ANKS1B: variants seen among roughly 807,000 people sequenced by gnomAD.
ANKS1B encodes the protein ankyrin repeat and sterile alpha motif domain containing 1B.
ANKS1B carries 36 observed loss-of-function variants against 148.3 expected under a neutral mutation model. That is an observed-to-expected ratio of 0.24 (90% CI 0.19 to 0.32). The LOEUF is 0.32. Among genes scored for constraint, ANKS1B ranks in the 10% least tolerant of loss-of-function variants. The pLI is 1.00. For missense variants in ANKS1B, 1,157 were observed against 1,542.6 expected, an observed-to-expected ratio of 0.75 and a Z score of 4.19; for synonymous variants, 542 against 560.8, an observed-to-expected ratio of 0.97 and a Z score of 0.47.
chr12:99,324,450 G>A (rs528513553), intron 12 of ANKS1B, among the ~76,000 whole-genome samples: 6 of 152,158 alleles, frequency 3.9e-5, no homozygotes, highest in African/African-American at 9.6e-5. Context: ...CCAGCATCAC[G>A]ACCCTCTGAT....
intron 12 of ANKS1B, among the ~76,000 whole-genome samples, chr12:99,398,099 C>T (rs1420478074): frequency 2.0e-5 from 3 of 152,100 alleles, no homozygotes; most frequent in East Asian, 1.9e-4. Flanking sequence ...ATTCTAAGTG[C>T]GATTAGAAGA....
chr12:99,157,374 C>T (rs1029316453), intron 14 of ANKS1B, among the ~76,000 whole-genome samples: 1 of 152,274 alleles, frequency 6.6e-6, no homozygotes, highest in Admixed American at 6.5e-5. Context: ...GACACTTTGG[C>T]TTGGCAAGGC....
intron 16 of ANKS1B, among the ~76,000 whole-genome samples, chr12:99,059,395 T>C (rs1048346365): frequency 1.3e-5 from 2 of 152,240 alleles, no homozygotes; most frequent in Non-Finnish European, 2.9e-5. Flanking sequence ...AGTGGCTTGG[T>C]ATCCATTTGT....
intron 9 of ANKS1B, among the ~76,000 whole-genome samples, chr12:99,547,507 C>A (rs1308333115): frequency 6.6e-6 from 1 of 152,128 alleles, no homozygotes; most frequent in African/African-American, 2.4e-5. Flanking sequence ...TTAGCCCCAA[C>A]TCTAAAGCAA....
At chr12:99,681,939 C>A (rs528427937) in intron 8 of ANKS1B, among the ~76,000 whole-genome samples, 3 of 152,210 alleles carry the variant, frequency 2.0e-5, no homozygotes, top group South Asian at 4.2e-4. Context: ...TCCATGCAAA[C>A]AGACACCAAA....
At chr12:99,150,726 G>GA (rs1022385739) in intron 15 of ANKS1B, among the ~76,000 whole-genome samples, 2 of 151,824 alleles carry the variant, frequency 1.3e-5, no homozygotes, top group Non-Finnish European at 1.5e-5. Context: ...ACTCCTTGGT[G>GA]AAAAAAAATG....
chr12:99,829,688 AGC>A (rs1350597482), intron 1 of ANKS1B, among the ~76,000 whole-genome samples: 1 of 149,642 alleles, frequency 6.7e-6, no homozygotes, highest in Non-Finnish European at 1.5e-5. Flanking sequence ...TAATTAGCCA[AGC>A]GTGGTGGTGC....
intron 17 of ANKS1B, among the ~76,000 whole-genome samples, chr12:98,968,092 G>C (rs541679264): frequency 6.6e-6 from 1 of 152,220 alleles, no homozygotes; most frequent in Non-Finnish European, 1.5e-5. Context: ...ATTCCACAAG[G>C]AGAGAAGCTA....
At chr12:99,064,408 G>A (rs2043394800) in intron 16 of ANKS1B, among the ~76,000 whole-genome samples, 1 of 152,212 alleles carries the variant, frequency 6.6e-6, no homozygotes, top group African/African-American at 2.4e-5. Flanking sequence ...TAGGGGATCA[G>A]CTTCCAACAG....
At chr12:99,853,532 G>A (rs1287040402) in intron 1 of ANKS1B, among the ~76,000 whole-genome samples, 1 of 152,106 alleles carries the variant, frequency 6.6e-6, no homozygotes, top group Non-Finnish European at 1.5e-5. Context: ...CTAGGGGAAG[G>A]GGGAGAGCAC....
chr12:99,948,189 C>T (rs2095119597), intron 1 of ANKS1B, among the ~76,000 whole-genome samples: 1 of 152,022 alleles, frequency 6.6e-6, no homozygotes. Context: ...ATTCTGCCTA[C>T]CACATGTACA....
intron 1 of ANKS1B, among the ~76,000 whole-genome samples, chr12:99,848,449 C>A (rs180701626): frequency 6.6e-6 from 1 of 152,152 alleles, no homozygotes; most frequent in East Asian, 1.9e-4. Context: ...TGGACAGGAC[C>A]AACAAAGCTG....
At chr12:98,747,289 G>T (rs767143340) in intron 26 of ANKS1B, among the ~76,000 whole-genome samples, 8 of 152,116 alleles carry the variant, frequency 5.3e-5, no homozygotes, top group Non-Finnish European at 7.4e-5. Flanking sequence ...ACAGGCAATA[G>T]AACTGAACAG....
intron 12 of ANKS1B, among the ~76,000 whole-genome samples, chr12:99,331,771 G>A (rs1234051832): frequency 6.6e-6 from 1 of 151,986 alleles, no homozygotes; most frequent in Non-Finnish European, 1.5e-5. Flanking sequence ...GGGCAATGAG[G>A]CAGAGACTAA....
Position 99,772,457 on chromosome 12 carries a change from T to C in ANKS1B, c.1128+465A>G, listed in dbSNP as rs2063283614. On this transcript the variant is annotated intron_variant, in intron 8 of 26. Transcript: ENST00000683438. ...GAAACCTCTTGGGATTTGCATAATATTATAAAAATATGCAGACTGAACTTT... is the reference window on the plus strand; with the variant it reads ...GAAACCTCTTGGGATTTGCATAATACTATAAAAATATGCAGACTGAACTTT... 3.3e-5 allele frequency among the ~76,000 whole-genome samples: 5 copies of C among 152,094 alleles called. No individual in the cohort carries two copies. In the South Asian group the frequency reaches 1.0e-3, roughly 32 times the overall value.
intron 12 of ANKS1B, among the ~76,000 whole-genome samples, chr12:99,395,867 G>C (rs2094225719): frequency 6.6e-6 from 1 of 151,992 alleles, no homozygotes; most frequent in Non-Finnish European, 1.5e-5. Flanking sequence ...TGCCATTTTG[G>C]TCAAGATTAA....
chr12:99,587,586 A>G (rs937273182), intron 9 of ANKS1B, among the ~76,000 whole-genome samples: 2 of 152,232 alleles, frequency 1.3e-5, no homozygotes, highest in African/African-American at 4.8e-5. Flanking sequence ...ACTTCAGTAA[A>G]GAGAAAATGG....
intron 8 of ANKS1B, among the ~76,000 whole-genome samples, chr12:99,718,779 T>C (rs1290720571): frequency 6.6e-6 from 1 of 152,204 alleles, no homozygotes; most frequent in East Asian, 1.9e-4. Flanking sequence ...CTTTGCACCC[T>C]TCATCCCAGC....
chr12:99,604,756 A>G (rs1458936202), intron 9 of ANKS1B, among the ~76,000 whole-genome samples: 2 of 150,028 alleles, frequency 1.3e-5, no homozygotes, highest in African/African-American at 2.5e-5. Flanking sequence ...TGGAGGTTGC[A>G]GTGAGCTGAG....
Sources: allele counts gnomAD v4.1 joint callset (sites outside exome capture counted in the v4.1 genomes callset), GRCh38; gene constraint gnomAD v4.1.1; transcripts MANE v1.5; gene names NCBI Gene and HGNC (gene_info 2026-07-23, HGNC 2026-07-21).